LHFPL2: variants seen among roughly 807,000 people sequenced by gnomAD.
The protein encoded by LHFPL2 is LHFPL tetraspan subfamily member 2 protein.
Under a neutral mutation model 17.5 loss-of-function variants are expected in LHFPL2, and 7 were observed. That is an observed-to-expected ratio of 0.40 (90% CI 0.23 to 0.75). LHFPL2 has a LOEUF of 0.75. Among genes scored for constraint, LHFPL2 ranks in the 30% least tolerant of loss-of-function variants. LHFPL2 has a pLI of 0.37. For missense variants in LHFPL2, 241 were observed against 294.8 expected (o/e 0.82, Z 1.34); for synonymous variants, 134 against 116.2 (o/e 1.15, Z -0.99).
intron 2 of LHFPL2, among the ~76,000 whole-genome samples, chr5:78,623,004 A>T (rs1343871731): frequency 6.6e-6 from 1 of 152,202 alleles, no homozygotes; most frequent in Non-Finnish European, 1.5e-5. Context: ...TAGGGGAGGA[A>T]ATCATCTAGA....
At chr5:78,645,644 G>A (rs1561380904) in intron 1 of LHFPL2, among the ~76,000 whole-genome samples, 1 of 151,666 alleles carries the variant, frequency 6.6e-6, no homozygotes, top group East Asian at 1.9e-4. Context: ...GTGCAATGGT[G>A]CCGTCTCAGC....
At chr5:78,561,546 C>A (rs747371920) in intron 3 of LHFPL2, among the ~76,000 whole-genome samples, 1 of 152,248 alleles carries the variant, frequency 6.6e-6, no homozygotes, top group Non-Finnish European at 1.5e-5. Context: ...TTATTCAGAT[C>A]ATCTTCCCTG....
At chr5:78,518,630 C>T (rs1755357819) in intron 3 of LHFPL2, among the ~76,000 whole-genome samples, 1 of 152,222 alleles carries the variant, frequency 6.6e-6, no homozygotes, top group African/African-American at 2.4e-5. Context: ...GCAGCCTGGC[C>T]TGCAGGACTG....
chr5:78,517,830 A>C (rs1267088553), intron 3 of LHFPL2, among the ~76,000 whole-genome samples: 1 of 152,182 alleles, frequency 6.6e-6, no homozygotes, highest in East Asian at 1.9e-4. Flanking sequence ...CGGAAGGTCC[A>C]CTTGTCTGGT....
chr5:78,636,128 G>C (rs574774640), intron 1 of LHFPL2, among the ~76,000 whole-genome samples: 1 of 152,170 alleles, frequency 6.6e-6, no homozygotes, highest in Non-Finnish European at 1.5e-5. Context: ...TGAGGCTGCC[G>C]TCTGTGGCCC....
At chr5:78,594,134 A>G in intron 2 of LHFPL2, among the ~76,000 whole-genome samples, 1 of 152,232 alleles carries the variant, frequency 6.6e-6, no homozygotes, top group East Asian at 1.9e-4. Context: ...TATGGGGGCC[A>G]GACAGTTATC....
At chr5:78,495,823 A>G (rs1189673463) in intron 4 of LHFPL2, among the ~76,000 whole-genome samples, 1 of 152,194 alleles carries the variant, frequency 6.6e-6, no homozygotes, top group Non-Finnish European at 1.5e-5. Context: ...GCTTGCCTTC[A>G]CAGACCATTT....
intron 4 of LHFPL2, among the ~76,000 whole-genome samples, chr5:78,492,190 C>T (rs1754469413): frequency 6.6e-6 from 1 of 152,352 alleles, no homozygotes; most frequent in Middle Eastern, 3.4e-3. Flanking sequence ...TTTGGGTGTG[C>T]TGTAGCCTCT....
intron 2 of LHFPL2, among the ~76,000 whole-genome samples, chr5:78,581,746 A>G (rs111567860): frequency 5.4e-4 from 79 of 147,230 alleles, no homozygotes; most frequent in South Asian, 8.6e-4. Context: ...TTGGTCTAAA[A>G]TTCTCTTTTT....
At chr5:78,548,701 C>G (rs1404635372) in intron 3 of LHFPL2, among the ~76,000 whole-genome samples, 1 of 152,192 alleles carries the variant, frequency 6.6e-6, no homozygotes, top group East Asian at 1.9e-4. Context: ...TCCCTCAGCT[C>G]CCCTCACCTT....
chr5:78,583,303 G>C (rs1424428182), intron 2 of LHFPL2, among the ~76,000 whole-genome samples: 1 of 151,814 alleles, frequency 6.6e-6, no homozygotes, highest in African/African-American at 2.4e-5. Flanking sequence ...ATATTGTTAT[G>C]TGTGAATTTG....
chr5:78,623,234 A>T (rs1744919428), intron 2 of LHFPL2, among the ~76,000 whole-genome samples: 1 of 152,244 alleles, frequency 6.6e-6, no homozygotes, highest in Non-Finnish European at 1.5e-5. Context: ...GAAAACCACG[A>T]ATATGAACCA....
chr5:78,510,412 A>C lies in LHFPL2; in HGVS notation c.-185-14T>G. ...CTGCGGCCTCACCTAGGGGAGAGGG[A>C]GGGCGGTTAGCAGCGCCGCCAGGCC... On this transcript the variant is annotated splice_polypyrimidine_tract_variant and intron_variant, in intron 3 of 4. Coordinates refer to ENST00000380345, the MANE Select transcript of LHFPL2 (RefSeq NM_005779.3). 1 of 537,990 alleles carries C rather than the reference A, an allele frequency of 1.9e-6. No homozygotes were observed. The highest frequency in any genetic ancestry group is 3.2e-6 in the Non-Finnish European group (1 of 314,654). The allele number at this position is 537,990 out of a possible 1,614,324, so 33.3% of individuals were successfully genotyped here.
intron 2 of LHFPL2, among the ~76,000 whole-genome samples, chr5:78,627,252 T>TTGTCCTTTCAGA (rs1444641548): frequency 2.0e-5 from 3 of 152,136 alleles, no homozygotes; most frequent in Non-Finnish European, 2.9e-5. Flanking sequence ...AGTGGATGCC[T>TTGTCCTTTCAGA]TGTCCTTTCA....
intron 2 of LHFPL2, among the ~76,000 whole-genome samples, chr5:78,584,331 T>C (rs1156922815): frequency 6.6e-6 from 1 of 152,268 alleles, no homozygotes; most frequent in African/African-American, 2.4e-5. Flanking sequence ...GGTGAGGAAC[T>C]GCATTCCTTT....
At chr5:78,561,593 C>A (rs1474662789) in intron 3 of LHFPL2, among the ~76,000 whole-genome samples, 1 of 152,182 alleles carries the variant, frequency 6.6e-6, no homozygotes, top group Non-Finnish European at 1.5e-5. Context: ...CGCAGCTCAA[C>A]AAGACACGGT....
At chr5:78,602,874 G>GGGTTT (rs747593560) in intron 2 of LHFPL2, among the ~76,000 whole-genome samples, 29 of 98,966 alleles carry the variant, frequency 2.9e-4, no homozygotes, top group Non-Finnish European at 4.4e-4. Context: ...CAATGAGGTA[G>GGGTTT]GGTTTTGTTT....
chr5:78,625,222 C>T (rs1744991353), intron 2 of LHFPL2: 1 of 152,248 alleles, frequency 6.6e-6, no homozygotes, highest in Non-Finnish European at 1.5e-5. Flanking sequence ...CACACACACA[C>T]ACACACACAC....
In LHFPL2 at chr5:78,487,781, T is replaced by G. The variant is rs970902143; in HGVS notation, c.*1116A>C. 3.3e-5 allele frequency: 5 copies of G among 152,226 alleles called. No homozygotes were observed. The highest frequency in any genetic ancestry group is 5.9e-5 in the Non-Finnish European group (4 of 68,040). The allele number at this position is 152,226 out of a possible 1,614,324, so 9.4% of individuals were successfully genotyped here. The stretch of plus-strand genomic sequence containing the variant: ...GCTTTCCTGGAATTAAGGTCTTGGC[T>G]GCAGTTCTTCAGTTGCAGCAATTTA... On this transcript the variant is annotated 3_prime_UTR_variant, in exon 5 of 5. Coordinates refer to ENST00000380345, the MANE Select transcript of LHFPL2 (RefSeq NM_005779.3).
Sources: allele counts gnomAD v4.1 joint callset (sites outside exome capture counted in the v4.1 genomes callset), GRCh38; gene constraint gnomAD v4.1.1; transcripts MANE v1.5; gene names NCBI Gene and HGNC (gene_info 2026-07-23, HGNC 2026-07-21).